The following REDIC1 variants were observed in gnomAD, a reference collection of about 807,000 sequenced individuals.
REDIC1 encodes regulator of DNA class I crossover intermediates 1.
the REDIC1 span, among the ~76,000 whole-genome samples, chr12:39,673,389 G>A: frequency 6.6e-6 from 1 of 152,148 alleles, no homozygotes; most frequent in African/African-American, 2.4e-5. Context: ...CATTCTTCAG[G>A]AAATTCATTC....
chr12:39,690,062 T>C, the REDIC1 span, among the ~76,000 whole-genome samples: 3 of 152,186 alleles, frequency 2.0e-5, no homozygotes, highest in South Asian at 6.2e-4. Context: ...CTGACTAAAA[T>C]TACGTTCTAC....
the REDIC1 span, among the ~76,000 whole-genome samples, chr12:39,705,340 AG>A: frequency 6.6e-6 from 1 of 152,080 alleles, no homozygotes; most frequent in Non-Finnish European, 1.5e-5. Context: ...CAGGAAATAA[AG>A]CCTGGGACTT....
the REDIC1 span, among the ~76,000 whole-genome samples, chr12:39,723,810 G>T: frequency 3.5e-4 from 53 of 152,162 alleles, no homozygotes; most frequent in African/African-American, 1.3e-3. Context: ...ACAACTCTAG[G>T]AAGTTTCCAT....
the REDIC1 span, among the ~76,000 whole-genome samples, chr12:39,735,389 A>T: frequency 6.6e-6 from 1 of 152,226 alleles, no homozygotes; most frequent in South Asian, 2.1e-4. Context: ...ATATGAAGTA[A>T]CGTAGAAAAT....
chr12:39,797,282 C>CAGTACATTGAAAAATGTACTGTA, the REDIC1 span, among the ~76,000 whole-genome samples: 2 of 152,168 alleles, frequency 1.3e-5, no homozygotes, highest in African/African-American at 4.8e-5. Context: ...ATGTAATTAT[C>CAGTACATTGAAAAATGTACTGTA]TTTAAGTACA....
At chr12:39,760,062 A>T in the REDIC1 span, 1 of 1,612,652 alleles carries the variant, frequency 6.2e-7, no homozygotes, top group Non-Finnish European at 8.5e-7. Context: ...CAGAAAGATG[A>T]TAGTTACTTC....
chr12:39,884,815 G>T, the REDIC1 span, among the ~76,000 whole-genome samples: 1 of 152,136 alleles, frequency 6.6e-6, no homozygotes, highest in Non-Finnish European at 1.5e-5. Context: ...CATGTCCCAA[G>T]ATTGAAAACA....
chr12:39,814,228 A>T, the REDIC1 span, among the ~76,000 whole-genome samples: 1 of 152,108 alleles, frequency 6.6e-6, no homozygotes, highest in African/African-American at 2.4e-5. Context: ...TCATTGCTTT[A>T]CCTCCCCAGG....
the REDIC1 span, among the ~76,000 whole-genome samples, chr12:39,881,166 T>C: frequency 2.6e-5 from 4 of 152,240 alleles, no homozygotes; most frequent in Non-Finnish European, 4.4e-5. Context: ...GGTTGAGTTA[T>C]TTTAAAAGTT....
the REDIC1 span, among the ~76,000 whole-genome samples, chr12:39,713,356 A>G: frequency 7.6e-6 from 1 of 130,720 alleles, no homozygotes; most frequent in African/African-American, 3.7e-5. Flanking sequence ...GTGTATACAC[A>G]TATACGTGTA....
the REDIC1 span, among the ~76,000 whole-genome samples, chr12:39,903,765 A>C: frequency 6.6e-6 from 1 of 152,122 alleles, no homozygotes; most frequent in South Asian, 2.1e-4. Flanking sequence ...CTATTCCTAG[A>C]TTGTTCAGTT....
chr12:39,824,981 ATC>A, the REDIC1 span, among the ~76,000 whole-genome samples: 2 of 152,194 alleles, frequency 1.3e-5, no homozygotes, highest in Non-Finnish European at 2.9e-5. Flanking sequence ...ACTGACTAGA[ATC>A]TGTGTGGGAG....
the REDIC1 span, chr12:39,829,790 TAAAC>T: frequency 1.9e-5 from 6 of 321,894 alleles, no homozygotes; most frequent in Admixed American, 1.7e-4. Flanking sequence ...ACAGTGCAAT[TAAAC>T]AATATGCAGT....
chr12:39,713,998 C>T, the REDIC1 span, among the ~76,000 whole-genome samples: 1 of 85,620 alleles, frequency 1.2e-5, no homozygotes, highest in Non-Finnish European at 2.6e-5. Flanking sequence ...CATGTATGTA[C>T]ACCTATGTGC....
At chr12:39,653,538 T>TTTCTTCTTCTTCTTC in the REDIC1 span, among the ~76,000 whole-genome samples, 1 of 66,616 alleles carries the variant, frequency 1.5e-5, no homozygotes, top group African/African-American at 4.8e-5. Flanking sequence ...TTCTTCTTCT[T>TTTCTTCTTCTTCTTC]TTTCTTCTTC....
chr12:39,671,147 T>A, the REDIC1 span, among the ~76,000 whole-genome samples: 6 of 152,314 alleles, frequency 3.9e-5, no homozygotes, highest in Admixed American at 2.0e-4. Context: ...GAGCACCAGG[T>A]GTAATAGTTT....
At chr12:39,903,450 C>G in the REDIC1 span, among the ~76,000 whole-genome samples, 1 of 152,180 alleles carries the variant, frequency 6.6e-6, no homozygotes, top group South Asian at 2.1e-4. Flanking sequence ...TTCTGGCCCC[C>G]CAGTATCTCT....
chr12:39,896,150 G>T, the REDIC1 span, among the ~76,000 whole-genome samples: 3 of 143,938 alleles, frequency 2.1e-5, no homozygotes, highest in Non-Finnish European at 4.6e-5. Context: ...ACCTATATAT[G>T]TATACACGTG....
At chr12:39,748,364 A>G in the REDIC1 span, among the ~76,000 whole-genome samples, 1 of 152,228 alleles carries the variant, frequency 6.6e-6, no homozygotes, top group Admixed American at 6.5e-5. Flanking sequence ...CAACAAGAAG[A>G]GCTAACTATC....
Sources: gnomAD v4.1 joint callset for allele counts (sites outside exome capture counted in the v4.1 genomes callset) on GRCh38, gnomAD v4.1.1 for gene constraint, MANE v1.5 for transcripts, NCBI Gene and HGNC (gene_info 2026-07-23, HGNC 2026-07-21) for gene names.